Variants in RBMS3 observed in about 807,000 individuals in gnomAD.
RBMS3 encodes the protein RNA binding motif single stranded interacting protein 3.
Under a neutral mutation model 66.8 loss-of-function variants are expected in RBMS3, and 27 were observed. That is an observed-to-expected ratio of 0.40 (90% confidence interval 0.30 to 0.56). The LOEUF (loss-of-function observed/expected upper bound fraction) is 0.56, where lower values mean the gene tolerates loss of function less well. RBMS3 is among the 20% of genes least tolerant of loss of function. The probability of loss-of-function intolerance (pLI) is 0.40; values close to 1 mark genes in which losing one functional copy is unlikely to be tolerated. For synonymous variants in RBMS3, 188 were observed against 183.0 expected, an observed-to-expected ratio of 1.03 and a Z score of -0.22; for missense variants, 513 against 549.5, an observed-to-expected ratio of 0.93 and a Z score of 0.66.
At chr3:29,347,693 A>G (rs1016539222) in intron 1 of RBMS3, among the ~76,000 whole-genome samples, 3 of 152,216 alleles carry the variant, frequency 2.0e-5, no homozygotes, top group African/African-American at 7.2e-5. Flanking sequence ...GGATGGAATT[A>G]CAATTCAAGT....
chr3:29,410,063 A>G (rs1466989446), intron 1 of RBMS3, among the ~76,000 whole-genome samples: 3 of 152,194 alleles, frequency 2.0e-5, no homozygotes, highest in South Asian at 2.1e-4. Flanking sequence ...CAACATTCAA[A>G]TGTTTGACCA....
intron 8 of RBMS3, among the ~76,000 whole-genome samples, chr3:29,893,863 T>C (rs1359694094): frequency 1.3e-5 from 2 of 151,510 alleles, no homozygotes; most frequent in East Asian, 3.9e-4. Flanking sequence ...CTGGTATTGA[T>C]CTTCCTGTAT....
At chr3:29,792,211 G>A (rs1455684730) in intron 6 of RBMS3, among the ~76,000 whole-genome samples, 2 of 152,118 alleles carry the variant, frequency 1.3e-5, no homozygotes, top group Non-Finnish European at 2.9e-5. Flanking sequence ...GAGAGAAAGT[G>A]GATGTAGAAC....
intron 6 of RBMS3, among the ~76,000 whole-genome samples, chr3:29,772,968 T>C (rs1051543222): frequency 1.3e-5 from 2 of 152,166 alleles, no homozygotes; most frequent in South Asian, 2.1e-4. Flanking sequence ...AAATAAAATA[T>C]GAACTTAAAC....
intron 6 of RBMS3, among the ~76,000 whole-genome samples, chr3:29,832,076 A>G (rs184841318): frequency 2.0e-3 from 307 of 152,284 alleles, no homozygotes; most frequent in African/African-American, 7.1e-3. Context: ...CCTGCTGTAA[A>G]ATAGAAATAG....
At chr3:29,667,307 C>T (rs1157060001) in intron 4 of RBMS3, among the ~76,000 whole-genome samples, 1 of 152,102 alleles carries the variant, frequency 6.6e-6, no homozygotes, top group Non-Finnish European at 1.5e-5. Context: ...TCATTTAATT[C>T]TCGGGCATTC....
At position 29,655,572 on chromosome 3, in the gene RBMS3, A is replaced by G. The variant is rs140117144; in HGVS notation, c.399+68367A>G. On this transcript the variant is annotated intron_variant, in intron 4 of 14. Coordinates refer to ENST00000383767, the MANE Select transcript of RBMS3 (RefSeq NM_001003793.3). ...CACATGTGCGTGATGATGCTGGTAT[A>G]AACAAATCTATTGTGCTGCCAGTCA... 3.8e-3 allele frequency among the ~76,000 whole-genome samples: 576 copies of G among 152,346 alleles called. 2 individuals carry two copies. Among genetic ancestry groups the G allele is most frequent in the African/African-American group, 0.013 (550 of 41,574 alleles).
intron 3 of RBMS3, among the ~76,000 whole-genome samples, chr3:29,559,308 CAA>C (rs1316611047): frequency 1.3e-5 from 2 of 151,840 alleles, no homozygotes; most frequent in Non-Finnish European, 2.9e-5. Flanking sequence ...ACCATTAACT[CAA>C]GTGCCAGCTA....
chr3:29,522,495 A>G (rs930961372), intron 3 of RBMS3, among the ~76,000 whole-genome samples: 2 of 152,094 alleles, frequency 1.3e-5, no homozygotes, highest in South Asian at 4.1e-4. Context: ...CACCAGGCTA[A>G]TATCTAGGTT....
At chr3:29,292,295 A>G (rs964189787) in intron 1 of RBMS3, among the ~76,000 whole-genome samples, 1 of 151,778 alleles carries the variant, frequency 6.6e-6, no homozygotes, top group Non-Finnish European at 1.5e-5. Context: ...AACCACAGAG[A>G]AATATGGAGG....
intron 2 of RBMS3, among the ~76,000 whole-genome samples, chr3:29,465,784 T>A (rs952956651): frequency 1.3e-5 from 2 of 152,206 alleles, no homozygotes; most frequent in African/African-American, 4.8e-5. Flanking sequence ...TCTGTAAGTG[T>A]TCTTTTAGTC....
Position 29,991,112 on chromosome 3 carries a change from G to C in RBMS3, c.1210G>C (p.Val404Leu). ...TGTTGCTGATACCTCTCCCCAGACA[G>C]TGGCACCTTCATCCCAGGACACCAG... is the stretch of plus-strand genomic sequence containing the variant. The part of the protein sequence containing the change: ...GVVADTSPQT[V>L]APSSQDTSGQ... Residue 404 changes from valine to leucine, a missense_variant, in exon 14 of 15, where the codon GTG (valine) becomes CTG (leucine). By Grantham distance (32) the Val-to-Leu change is conservative. Coordinates refer to ENST00000383767, the MANE Select transcript of RBMS3 (RefSeq NM_001003793.3). 2 of 1,614,092 alleles carry C rather than the reference G, an allele frequency of 1.2e-6. No individual in the cohort carries two copies. The highest frequency in any genetic ancestry group is 1.7e-6 in the Non-Finnish European group (2 of 1,180,044).
At chr3:29,529,637 T>C (rs564576014) in intron 3 of RBMS3, among the ~76,000 whole-genome samples, 138 of 152,332 alleles carry the variant, frequency 9.1e-4, no homozygotes, top group African/African-American at 3.3e-3. Context: ...ATTTTTCATA[T>C]AGGCCATTCC....
chr3:29,769,244 C>G (rs1171221481), intron 6 of RBMS3, among the ~76,000 whole-genome samples: 1 of 151,608 alleles, frequency 6.6e-6, no homozygotes, highest in Non-Finnish European at 1.5e-5. Context: ...AACTTGAGAA[C>G]AACTGAGGAC....
intron 4 of RBMS3, among the ~76,000 whole-genome samples, chr3:29,590,794 G>A (rs2047706992): frequency 6.6e-6 from 1 of 152,048 alleles, no homozygotes; most frequent in Admixed American, 6.6e-5. Flanking sequence ...TAGGAAGAAG[G>A]CCATAGATAG....
intron 2 of RBMS3, among the ~76,000 whole-genome samples, chr3:29,464,524 C>A (rs1376452777): frequency 6.6e-6 from 1 of 152,126 alleles, no homozygotes; most frequent in African/African-American, 2.4e-5. Flanking sequence ...ACCATAGTTA[C>A]TCACAAGTAA....
At chr3:29,799,841 G>A (rs1359257701) in intron 6 of RBMS3, among the ~76,000 whole-genome samples, 1 of 152,030 alleles carries the variant, frequency 6.6e-6, no homozygotes, top group African/African-American at 2.4e-5. Flanking sequence ...TACAATGATG[G>A]TATAAAGGCA....
chr3:29,481,767 C>G (rs187273513), intron 2 of RBMS3, among the ~76,000 whole-genome samples: 1 of 152,096 alleles, frequency 6.6e-6, no homozygotes, highest in African/African-American at 2.4e-5. Context: ...AAGCATTGAA[C>G]GGGGACATAC....
chr3:29,959,779 G>A (rs958679272), intron 12 of RBMS3, among the ~76,000 whole-genome samples: 2 of 152,034 alleles, frequency 1.3e-5, no homozygotes, highest in African/African-American at 4.8e-5. Flanking sequence ...GAAGTGCCAA[G>A]CAAAGTGGGA....
Sources: allele counts gnomAD v4.1 joint callset (sites outside exome capture counted in the v4.1 genomes callset), GRCh38; gene constraint gnomAD v4.1.1; transcripts MANE v1.5; gene names NCBI Gene and HGNC (gene_info 2026-07-23, HGNC 2026-07-21).